The following ZNF100 variants were observed in gnomAD, a reference collection of about 807,000 sequenced individuals.
ZNF100 encodes zinc finger protein 100, also known as zinc finger protein 100 (Y1).
Under a neutral mutation model 15.8 loss-of-function variants are expected in ZNF100, and 12 were observed. The ratio of observed to expected loss-of-function variants is 0.76; its 90% CI spans 0.49 to 1.23. The LOEUF (loss-of-function observed/expected upper bound fraction) is 1.23. Among genes scored for constraint, ZNF100 ranks in the 50% most tolerant of loss-of-function variants. The pLI, the probability that ZNF100 is intolerant of heterozygous loss-of-function variation, is 0.00. For synonymous variants in ZNF100, 226 were observed against 214.8 expected, an observed-to-expected ratio of 1.05 and a Z score of -0.45; for missense variants, 670 against 635.6, an observed-to-expected ratio of 1.05 and a Z score of -0.58.
intron 2 of ZNF100, among the ~76,000 whole-genome samples, chr19:21,756,973 G>C (rs1213366444): frequency 6.6e-6 from 1 of 152,188 alleles, no homozygotes; most frequent in Admixed American, 6.5e-5. Context: ...AAGCTGACAA[G>C]AGGAATGAGG....
chr19:21,741,674 A>C (rs1221036163), intron 4 of ZNF100, among the ~76,000 whole-genome samples: 1 of 151,378 alleles, frequency 6.6e-6, no homozygotes, highest in Non-Finnish European at 1.5e-5. Flanking sequence ...CACGCCTGGC[A>C]TGTAAAACTT....
chr19:21,750,865 T>C (rs1012589164), intron 2 of ZNF100: 11 of 543,064 alleles, frequency 2.0e-5, no homozygotes, highest in African/African-American at 1.1e-4. Flanking sequence ...CACGCTGACC[T>C]ATTGCGTGTC....
At chr19:21,738,248 C>CAA (rs769582572) in intron 4 of ZNF100, among the ~76,000 whole-genome samples, 1 of 42,994 alleles carries the variant, frequency 2.3e-5, no homozygotes, top group African/African-American at 9.3e-5. Flanking sequence ...GACACTATGT[C>CAA]AAAAAAAAAA....
chr19:21,757,537 T>C (rs1447882031), intron 2 of ZNF100, among the ~76,000 whole-genome samples: 1 of 152,210 alleles, frequency 6.6e-6, no homozygotes, highest in Non-Finnish European at 1.5e-5. Context: ...TCAACCATTG[T>C]GAAAAGCAGT....
intron 2 of ZNF100, chr19:21,751,458 C>T: frequency 3.4e-6 from 3 of 869,960 alleles, no homozygotes. Context: ...CAGCTAACAG[C>T]TGAATGTGCA....
At position 21,727,391 on chromosome 19, in the gene ZNF100, A is replaced by G. The variant is rs1347221042; in HGVS notation, c.921T>C (p.His307=). 6.2e-7 allele frequency: 1 copy of G among 1,612,656 alleles called. No individual in the cohort carries two copies. ...GTTTCACTCCAGTATGAATTCTTTT[A>G]TGTGTAGTAAGGTGTGAAGACCGGT... ...AFNRSSHLTT[H]KRIHTGVKPY... The change falls in exon 5 of 5, where the codon CAT becomes CAC. Residue 307 remains histidine, a synonymous_variant. Coordinates refer to ENST00000358296, the MANE Select transcript of ZNF100 (RefSeq NM_173531.4).
chr19:21,724,062 T>C lies in ZNF100; in HGVS notation c.*2621A>G, dbSNP rs923811446. On this transcript the variant is annotated 3_prime_UTR_variant, in exon 5 of 5. Transcript: ENST00000358296. ...TGAATACTTCATAATCTGTAAAATA[T>C]TTATATGAAAAAAGATACAAAATAA... 3.9e-5 allele frequency: 6 copies of C among 152,136 alleles called. No homozygotes were observed. The highest frequency in any genetic ancestry group is 1.9e-4 in the East Asian group (1 of 5,202). The allele number at this position is 152,136 out of a possible 1,614,324, so 9.4% of individuals were successfully genotyped here. A position where few individuals can be genotyped will look rare whatever the true frequency, so the allele number is the denominator to read the frequency against.
rs1390814243 is a variant in ZNF100, at chr19:21,726,362, G to A, written c.*321C>T. ...AAGTTTTGTCACACTGTTCACACAT[G>A]TAGAAGTTTTCTCCAGTATAACTTA... On this transcript the variant is annotated 3_prime_UTR_variant, in exon 5 of 5. Transcript: ENST00000358296. 7.0e-6 allele frequency: 2 copies of A among 286,118 alleles called. No individual in the cohort carries two copies. The highest frequency in any genetic ancestry group is 7.3e-5 in the East Asian group (1 of 13,620). 17.7% of individuals were successfully genotyped at this position (286,118 alleles called of 1,614,324 possible).
intron 2 of ZNF100, chr19:21,750,953 C>T: frequency 1.2e-6 from 1 of 861,356 alleles, no homozygotes; most frequent in African/African-American, 1.7e-5. Context: ...CGAGGCGGCA[C>T]CCGGGGATGC....
chr19:21,761,009 C>T (rs1402193779), intron 2 of ZNF100, among the ~76,000 whole-genome samples: 1 of 152,062 alleles, frequency 6.6e-6, no homozygotes, highest in African/African-American at 2.4e-5. Flanking sequence ...CTGCCCGCTT[C>T]AGCCTCCCAA....
At chr19:21,766,623 T>TG (rs2036567156) in intron 1 of ZNF100, among the ~76,000 whole-genome samples, 1 of 152,166 alleles carries the variant, frequency 6.6e-6, no homozygotes, top group African/African-American at 2.4e-5. Flanking sequence ...ATAAATGACT[T>TG]TCCTTCAAGC....
At chr19:21,734,008 A>G (rs1291441905) in intron 4 of ZNF100, among the ~76,000 whole-genome samples, 3 of 152,246 alleles carry the variant, frequency 2.0e-5, no homozygotes, top group African/African-American at 7.2e-5. Context: ...AAAAACAGAA[A>G]GCAACCACAG....
intron 1 of ZNF100, among the ~76,000 whole-genome samples, 191 bp from the exon 2 acceptor site, chr19:21,765,977 ATC>A (rs1265522712): frequency 6.6e-6 from 1 of 152,140 alleles, no homozygotes; most frequent in African/African-American, 2.4e-5. Context: ...ATTCTGATAA[ATC>A]TCTGTGCCTA....
At chr19:21,749,114 G>C (rs2036260230) in intron 2 of ZNF100, among the ~76,000 whole-genome samples, 1 of 152,104 alleles carries the variant, frequency 6.6e-6, no homozygotes, top group Non-Finnish European at 1.5e-5. Context: ...AAAAGTTTCT[G>C]GATGGTAGGG....
At chr19:21,766,707 C>A (rs916961883) in intron 1 of ZNF100, among the ~76,000 whole-genome samples, 14 of 152,134 alleles carry the variant, frequency 9.2e-5, no homozygotes, top group African/African-American at 3.1e-4. Context: ...TGATTAAATT[C>A]TTTAGGCCAG....
rs890819918 is a variant in ZNF100 at position 21,725,731 on chromosome 19, T to C, written c.*952A>G. 6.6e-6 allele frequency: 1 copy of C among 152,122 alleles called. No individual in the cohort carries two copies. The highest frequency in any genetic ancestry group is 2.4e-5 in the African/African-American group (1 of 41,448). The allele number at this position is 152,122 out of a possible 1,614,324, so 9.4% of individuals were successfully genotyped here. A position where few individuals can be genotyped will look rare whatever the true frequency, so the allele number is the denominator to read the frequency against. ...CTTTGAATGCAATAACTGCAAAAAA[T>C]TTCTACTTTTAAAGTTATATACAAA... On this transcript the variant is annotated 3_prime_UTR_variant, in exon 5 of 5. Coordinates refer to ENST00000358296, the MANE Select transcript of ZNF100 (RefSeq NM_173531.4).
intron 2 of ZNF100, among the ~76,000 whole-genome samples, 175 bp downstream of exon 2, chr19:21,765,519 T>C (rs1033876203): frequency 2.0e-5 from 3 of 152,218 alleles, no homozygotes; most frequent in Admixed American, 6.5e-5. Context: ...TTTTTTCCAA[T>C]ATTTTTCTTT....
At chr19:21,751,380 A>C (rs2036304163) in intron 2 of ZNF100, 1 of 827,394 alleles carries the variant, frequency 1.2e-6, no homozygotes, top group Non-Finnish European at 2.2e-6. Flanking sequence ...GTTCCACAGG[A>C]ATAGTTTAAG....
At chr19:21,760,510 AAAT>A (rs2036465316) in intron 2 of ZNF100, among the ~76,000 whole-genome samples, 1 of 151,870 alleles carries the variant, frequency 6.6e-6, no homozygotes, top group Non-Finnish European at 1.5e-5. Flanking sequence ...AAATAAAATA[AAAT>A]AATAATAATA....
Sources: allele counts gnomAD v4.1 joint callset (sites outside exome capture counted in the v4.1 genomes callset), GRCh38; gene constraint gnomAD v4.1.1; transcripts MANE v1.5; gene names NCBI Gene and HGNC (gene_info 2026-07-23, HGNC 2026-07-21).